PLEKHH2: variants seen among roughly 807,000 people sequenced by gnomAD.
The protein encoded by PLEKHH2 is pleckstrin homology, MyTH4 and FERM domain containing H2.
Under a neutral mutation model 187.9 loss-of-function variants are expected in PLEKHH2, and 129 were observed. That is an observed-to-expected ratio of 0.69 (90% CI 0.59 to 0.79). The LOEUF (loss-of-function observed/expected upper bound fraction) is 0.79. Ranked by LOEUF, PLEKHH2 falls within the 30% of genes least tolerant of loss-of-function variation. The pLI is 0.00. For missense variants in PLEKHH2, 2,076 were observed against 1,751.2 expected (o/e 1.19, Z -3.31); for synonymous variants, 686 against 605.6 (o/e 1.13, Z -1.95).
chr2:43,736,504 A>G (rs147918710), intron 19 of PLEKHH2, among the ~76,000 whole-genome samples: 48 of 152,244 alleles, frequency 3.2e-4, no homozygotes, highest in African/African-American at 1.0e-3. Flanking sequence ...AGTCACGGAG[A>G]CAGAGTTCAG....
Position 43,742,879 on chromosome 2 carries a change from C to T in PLEKHH2, c.3360C>T (p.Pro1120=), listed in dbSNP as rs774314050. 1.9e-6 allele frequency: 3 copies of T among 1,603,462 alleles called. No homozygotes were observed. The highest frequency in any genetic ancestry group is 1.3e-5 in the African/African-American group (1 of 74,268). The change falls in exon 22 of 30, where the codon CCC becomes CCT. Residue 1120 remains proline (P), a synonymous_variant. Transcript: ENST00000282406. ...LLRNPYHHSL[P]FSIPVHFMNG... ...GAAACCCTTATCACCATTCTTTGCCCTTTAGTATACCTGTGCACTTCATGA... is the reference window on the plus strand; with the variant it reads ...GAAACCCTTATCACCATTCTTTGCCTTTTAGTATACCTGTGCACTTCATGA...
At chr2:43,739,117 C>T (rs982763649) in intron 20 of PLEKHH2, among the ~76,000 whole-genome samples, 1 of 152,186 alleles carries the variant, frequency 6.6e-6, no homozygotes, top group Non-Finnish European at 1.5e-5. Context: ...CCTCGAACTC[C>T]TGATCTCAGG....
At chr2:43,754,193 C>A (rs1015477543) in intron 25 of PLEKHH2, among the ~76,000 whole-genome samples, 28 of 123,830 alleles carry the variant, frequency 2.3e-4, no homozygotes, top group Admixed American at 1.6e-3. Flanking sequence ...CACACACACA[C>A]ACACACACAC....
At chr2:43,680,999 A>G in intron 3 of PLEKHH2, 1 of 1,233,156 alleles carries the variant, frequency 8.1e-7, no homozygotes, top group Middle Eastern at 2.1e-4. Context: ...TCATATGCCA[A>G]CTGGAAAAGT....
chr2:43,671,651 G>C (rs1574508796), intron 2 of PLEKHH2, among the ~76,000 whole-genome samples: 1 of 152,096 alleles, frequency 6.6e-6, no homozygotes, highest in South Asian at 2.1e-4. Context: ...AGTTTGTTAA[G>C]AGATTTTTAT....
At chr2:43,657,212 G>T (rs1291645493) in intron 2 of PLEKHH2, among the ~76,000 whole-genome samples, 1 of 152,102 alleles carries the variant, frequency 6.6e-6, no homozygotes, top group Non-Finnish European at 1.5e-5. Context: ...CGGACAGCTG[G>T]GTCTGGATAT....
At chr2:43,725,957 A>AT (rs11371946) in intron 16 of PLEKHH2, among the ~76,000 whole-genome samples, 28,785 of 150,222 alleles carry the variant, frequency 0.19, 3,472 homozygotes, top group African/African-American at 0.34. Flanking sequence ...AAAAAAAATC[A>AT]TTTTTTTTTA....
At chr2:43,696,184 G>T (rs750816367) in intron 6 of PLEKHH2, among the ~76,000 whole-genome samples, 1 of 152,086 alleles carries the variant, frequency 6.6e-6, no homozygotes, top group Non-Finnish European at 1.5e-5. Flanking sequence ...TTTTGGCTGG[G>T]CCACTGGGCC....
intron 19 of PLEKHH2, 66 bp from the exon 20 acceptor site, chr2:43,738,275 T>A (rs774512622): frequency 1.2e-5 from 16 of 1,301,080 alleles, no homozygotes; most frequent in Non-Finnish European, 1.7e-5. Context: ...AGATATTCGA[T>A]ATAATTCATG....
chr2:43,655,408 A>C (rs1011057655), intron 2 of PLEKHH2, among the ~76,000 whole-genome samples: 5 of 152,172 alleles, frequency 3.3e-5, no homozygotes, highest in Non-Finnish European at 7.3e-5. Flanking sequence ...AAAGTCTTAC[A>C]ATAGCTGGGA....
intron 3 of PLEKHH2, chr2:43,680,914 A>T: frequency 3.0e-6 from 2 of 664,800 alleles, no homozygotes; most frequent in East Asian, 6.5e-5. Context: ...CCTGGTTGAA[A>T]TTTATGTCCA....
intron 3 of PLEKHH2, among the ~76,000 whole-genome samples, chr2:43,690,243 T>A (rs1668727815): frequency 6.6e-6 from 1 of 152,238 alleles, no homozygotes. Context: ...TTGATACAGA[T>A]CTTTGTCCTT....
chr2:43,675,482 G>C lies in PLEKHH2; in HGVS notation c.124-3381G>C, dbSNP rs762385111. The C allele has an allele frequency of 1.2e-6, 2 of 1,613,902 alleles. No individual in the cohort carries two copies. The highest frequency in any genetic ancestry group is 1.7e-6 in the Non-Finnish European group (2 of 1,179,836). ...CCATACATCATTACTTCCATCTTTT[G>C]GGGGGTCAGTCCATTGAAAGTAATA... On this transcript the variant is annotated intron_variant, in intron 2 of 29. Transcript: ENST00000282406.
intron 17 of PLEKHH2, among the ~76,000 whole-genome samples, chr2:43,728,560 CTCTT>C (rs1670886116): frequency 8.4e-6 from 1 of 118,686 alleles, no homozygotes. Flanking sequence ...CAACACAATA[CTCTT>C]TTTTTTTTTT....
chr2:43,678,782 A>G, intron 2 of PLEKHH2, 81 bp from the exon 3 acceptor site: 1 of 784,320 alleles, frequency 1.3e-6, no homozygotes, highest in Non-Finnish European at 2.0e-6. Flanking sequence ...AGGTAGAATT[A>G]TGAGATTTTT....
rs150184009 is a variant in PLEKHH2, at chr2:43,737,300, A to T, written c.2944-1041A>T. Reference sequence around the variant, plus strand: ...CAGTCAAAGATCACCAGGCATACAGAGAATCGGGTCAAGTATGACAATACA... The same window carrying T: ...CAGTCAAAGATCACCAGGCATACAGTGAATCGGGTCAAGTATGACAATACA... On this transcript the variant is annotated intron_variant, in intron 19 of 29. Coordinates refer to ENST00000282406, the MANE Select transcript of PLEKHH2 (RefSeq NM_172069.4). 2.5e-3 allele frequency among the ~76,000 whole-genome samples: 380 copies of T among 152,372 alleles called. 2 individuals carry two copies. The highest frequency in any genetic ancestry group is 8.9e-3 in the African/African-American group (369 of 41,586).
chr2:43,758,818 G>C (rs556705603), intron 26 of PLEKHH2, 82 bp from the exon 27 acceptor site: 1 of 1,251,706 alleles, frequency 8.0e-7, no homozygotes, highest in Non-Finnish European at 1.1e-6. Context: ...TTGGCTCAAG[G>C]AGAGTTTTAT....
chr2:43,709,892 G>A, intron 11 of PLEKHH2, 98 bp from the exon 12 acceptor site: 1 of 1,225,712 alleles, frequency 8.2e-7, no homozygotes, highest in Non-Finnish European at 1.1e-6. Context: ...GGAGGCTTAT[G>A]ATTTAGGAAT....
At chr2:43,757,567 C>T (rs1051073091) in intron 26 of PLEKHH2, among the ~76,000 whole-genome samples, 6 of 151,764 alleles carry the variant, frequency 4.0e-5, no homozygotes, top group South Asian at 2.1e-4. Context: ...TACAGGCGCC[C>T]GCCACCACAC....
Sources: allele counts gnomAD v4.1 joint callset (sites outside exome capture counted in the v4.1 genomes callset), GRCh38; gene constraint gnomAD v4.1.1; transcripts MANE v1.5; gene names NCBI Gene and HGNC (gene_info 2026-07-23, HGNC 2026-07-21).